BSN: variants seen among roughly 807,000 people sequenced by gnomAD.
BSN encodes protein bassoon.
In BSN, 57 loss-of-function variants were observed where a neutral mutation model predicts 264.8. The ratio of observed to expected loss-of-function variants is 0.22; its 90% CI spans 0.17 to 0.27. The LOEUF is 0.27. Among genes scored for constraint, BSN ranks in the 10% least tolerant of loss-of-function variants. The pLI is 1.00. For synonymous variants in BSN, 2,059 were observed against 2,137.3 expected (o/e 0.96, Z 1.01); for missense variants, 4,615 against 5,232.5 (o/e 0.88, Z 3.64).
chr3:49,580,681 G>T (rs2051889692), intron 1 of BSN, among the ~76,000 whole-genome samples: 1 of 152,070 alleles, frequency 6.6e-6, no homozygotes, highest in African/African-American at 2.4e-5. Context: ...CTGGTCTCGA[G>T]CTACTGTACT....
At chr3:49,617,602 C>T (rs370133921) in intron 1 of BSN, among the ~76,000 whole-genome samples, 1 of 152,288 alleles carries the variant, frequency 6.6e-6, no homozygotes, top group East Asian at 1.9e-4. Flanking sequence ...ACACCTCCCT[C>T]TCTTTTTCCT....
In BSN at chr3:49,657,814, G is replaced by A. The variant is rs2052622996; in HGVS notation, c.8258G>A (p.Gly2753Glu). 6.3e-7 allele frequency: 1 copy of A among 1,595,406 alleles called. No homozygotes were observed. The highest frequency in any genetic ancestry group is 1.7e-5 in the Admixed American group (1 of 57,602). ...CCTGGCATCCAGATCGTCACCCCAG[G>A]GCCTCTGGGCAGATTTGAAAAAAAG... ...YLPGIQIVTP[G>E]PLGRFEKKKP... The change falls in exon 5 of 12, where the codon GGG (glycine) becomes GAG (glutamate). Residue 2753 changes from glycine to glutamate, a missense_variant. By Grantham distance (98) the Gly-to-Glu change is moderately conservative. Coordinates refer to ENST00000296452, the MANE Select transcript of BSN (RefSeq NM_003458.4).
intron 1 of BSN, among the ~76,000 whole-genome samples, chr3:49,564,150 C>G (rs1444344043): frequency 2.0e-5 from 3 of 152,166 alleles, no homozygotes; most frequent in African/African-American, 2.4e-5. Context: ...TACAGAGAGG[C>G]CTTAGAGAAC....
rs2108090546 is a variant in BSN at position 49,657,847 on chromosome 3, A to G, written c.8291A>G (p.Asp2764Gly). 1.2e-6 allele frequency: 2 copies of G among 1,611,440 alleles called. No homozygotes were observed. Among genetic ancestry groups the G allele is most frequent in the Middle Eastern group, 1.7e-4 (1 of 6,040 alleles). Residue 2764 changes from aspartate to glycine, a missense_variant, in exon 5 of 12, where the codon GAT becomes GGT. Around this residue, in one of 3 missense-constraint regions of BSN, gnomAD observed 3,415 missense variants for 3,866.4 expected, o/e 0.88. Coordinates refer to ENST00000296452, the MANE Select transcript of BSN (RefSeq NM_003458.4). ...PLGRFEKKKP[D>G]PLEIGYQAHL... The stretch of plus-strand genomic sequence containing the variant: ...GGCAGATTTGAAAAAAAGAAGCCAG[A>G]TCCCCTGGAGATTGGGTACCAGGCC...
At chr3:49,611,004 G>A (rs1458337853) in intron 1 of BSN, among the ~76,000 whole-genome samples, 1 of 152,226 alleles carries the variant, frequency 6.6e-6, no homozygotes, top group African/African-American at 2.4e-5. Flanking sequence ...GGCTAAAGAT[G>A]TGTCCAGGCA....
Position 49,661,100 on chromosome 3 carries a change from C to T in BSN, c.9255C>T (p.Gly3085=), listed in dbSNP as rs771593687. 13 of 1,611,338 alleles carry T rather than the reference C, an allele frequency of 8.1e-6. No homozygotes were observed. In the East Asian group the frequency reaches 2.9e-4, roughly 36 times the overall value. Residue 3085 remains glycine, a synonymous_variant, in exon 6 of 12, where the codon GGC becomes GGT. Coordinates refer to ENST00000296452, the MANE Select transcript of BSN (RefSeq NM_003458.4). ...FPAHQAPTYP[G]PSTYPAPAFP... ...CCCACCAGGCCCCCACCTACCCTGG[C>T]CCCAGCACGTACCCAGCTCCTGCCT...
intron 1 of BSN, among the ~76,000 whole-genome samples, chr3:49,621,726 A>G (rs1015151554): frequency 6.6e-6 from 1 of 151,776 alleles, no homozygotes; most frequent in African/African-American, 2.4e-5. Flanking sequence ...TTCTTTTATT[A>G]TTTATTTTAG....
chr3:49,648,632 G>C (rs954736195), intron 3 of BSN, among the ~76,000 whole-genome samples: 1 of 152,192 alleles, frequency 6.6e-6, no homozygotes, highest in Non-Finnish European at 1.5e-5. Context: ...TCTGGGGCTC[G>C]GTCTCAACCT....
Position 49,662,320 on chromosome 3 carries a change from G to A in BSN, c.10475G>A (p.Arg3492Gln), listed in dbSNP as rs372639466. 31 of 1,613,520 alleles carry A rather than the reference G, an allele frequency of 1.9e-5. No individual in the cohort carries two copies. Among genetic ancestry groups the A allele is most frequent in the East Asian group, 6.7e-5 (3 of 44,862 alleles). The change falls in exon 6 of 12, where the codon CGG becomes CAG. Residue 3492 changes from arginine (R) to glutamine (Q), a missense_variant. Transcript: ENST00000296452. ...KPSSLSMAHS[R>Q]VRPPMRSQAS... ...TCATCCCTAAGTATGGCCCACAGCCGGGTACGACCCCCCATGCGGAGCCAG... is the reference window on the plus strand; with the variant it reads ...TCATCCCTAAGTATGGCCCACAGCCAGGTACGACCCCCCATGCGGAGCCAG...
At chr3:49,643,846 C>T (rs573844586) in intron 3 of BSN, among the ~76,000 whole-genome samples, 47 of 152,204 alleles carry the variant, frequency 3.1e-4, no homozygotes, top group Admixed American at 7.9e-4. Context: ...TGGCCATTCT[C>T]TCCGCAGCCC....
chr3:49,626,530 A>G (rs1157240052), intron 2 of BSN, among the ~76,000 whole-genome samples: 1 of 152,094 alleles, frequency 6.6e-6, no homozygotes, highest in African/African-American at 2.4e-5. Flanking sequence ...GGGCTTCCTG[A>G]AGAGGCGTGC....
At chr3:49,613,409 A>AT (rs1201136668) in intron 1 of BSN, among the ~76,000 whole-genome samples, 1 of 150,848 alleles carries the variant, frequency 6.6e-6, no homozygotes, top group African/African-American at 2.4e-5. Flanking sequence ...GGGGCTAGCT[A>AT]TATCTCTGAA....
chr3:49,565,727 C>T (rs982407706), intron 1 of BSN, among the ~76,000 whole-genome samples: 8 of 152,218 alleles, frequency 5.3e-5, no homozygotes, highest in African/African-American at 1.9e-4. Context: ...GCATTTATCA[C>T]AACCAACAAA....
In BSN at chr3:49,657,160, C is replaced by T; in HGVS notation, c.7604C>T (p.Ala2535Val). 1 of 1,613,330 alleles carries T rather than the reference C, an allele frequency of 6.2e-7. No homozygotes were observed. The highest frequency in any genetic ancestry group is 8.5e-7 in the Non-Finnish European group (1 of 1,180,024). Residue 2535 changes from alanine to valine, a missense_variant, in exon 5 of 12, where the codon GCC becomes GTC. Ala to Val is a moderately conservative substitution (Grantham distance 64). Transcript: ENST00000296452. ...CTGCACCGGGGTCTCCCCAGCTCTG[C>T]CTCAGACATGTCACTGCAAACGGAG... ...PVLHRGLPSS[A>V]SDMSLQTEEQ... is the part of the protein sequence containing the mutation.
intron 2 of BSN, chr3:49,641,651 C>G (rs1284817989): frequency 3.3e-5 from 5 of 152,168 alleles, no homozygotes; most frequent in Admixed American, 3.3e-4. Flanking sequence ...TTATTTTGTT[C>G]TCAAGATTTT....
Position 49,662,103 on chromosome 3 carries a change from C to G in BSN, c.10258C>G (p.Gln3420Glu), listed in dbSNP as rs1272842738. The G allele has an allele frequency of 6.8e-6, 11 of 1,613,386 alleles. 1 individual carries two copies. The Admixed American group carries it at 1.7e-4, about 24-fold the overall frequency. ...GCTCAAGAAGAACGTGTATGAGCAG[C>G]AAAAATACTATGGGATGTCCAGCCG... ...YGLKKNVYEQ[Q>E]KYYGMSSRDA... is the part of the protein sequence containing the mutation. Residue 3420 changes from glutamine (Q) to glutamate (E), a missense_variant, in exon 6 of 12, where the codon CAA becomes GAA. Coordinates refer to ENST00000296452, the MANE Select transcript of BSN (RefSeq NM_003458.4).
chr3:49,642,720 C>T lies in BSN; in HGVS notation c.1086C>T (p.Ser362=). The T allele has an allele frequency of 6.2e-7, 1 of 1,613,510 alleles. No homozygotes were observed. The change falls in exon 3 of 12, where the codon AGC becomes AGT. Residue 362 remains serine (S), a synonymous_variant. Transcript: ENST00000296452. The surrounding 1 kb of genome is among the most constrained non-coding windows in gnomAD (Gnocchi z 7.0). ...GLGASLLTQA[S]TLMSVQPEAD... ...GCGCGTCACTGCTAACCCAGGCGAG[C>T]ACCCTCATGTCTGTGCAGCCCGAGG...
chr3:49,660,760 T>G lies in BSN; in HGVS notation c.8915T>G (p.Ile2972Ser). The G allele has an allele frequency of 6.2e-7, 1 of 1,613,196 alleles. No individual in the cohort carries two copies. Among genetic ancestry groups the G allele is most frequent in the Non-Finnish European group, 8.5e-7 (1 of 1,179,966 alleles). ...GAGCTGGATGAGGAGGAGAAGGAGA[T>G]TGACGCCAAGCTCAAGTACCTGGAG... ...QAELDEEEKE[I>S]DAKLKYLELG... Residue 2972 changes from isoleucine (I) to serine (S), a missense_variant, in exon 6 of 12, where the codon ATT (isoleucine) becomes AGT (serine). Coordinates refer to ENST00000296452, the MANE Select transcript of BSN (RefSeq NM_003458.4). This position sits in a 1 kb window ranked among gnomAD's most constrained non-coding sequence, Gnocchi z 7.1.
rs185272948 is a variant in BSN at position 49,663,146 on chromosome 3, G to T, written c.10988G>T (p.Gly3663Val). The T allele has an allele frequency of 8.8e-5, 142 of 1,612,538 alleles. No homozygotes were observed. In the East Asian group the frequency reaches 2.3e-3, roughly 26 times the overall value. Residue 3663 changes from glycine (G) to valine (V), a missense_variant, in exon 7 of 12, where the codon GGA becomes GTA. Coordinates refer to ENST00000296452, the MANE Select transcript of BSN (RefSeq NM_003458.4). The part of the protein sequence containing the change: ...HSGRHTGEEP[G>V]RRAAKPHARD... ...GGCCGCCACACTGGTGAGGAGCCGG[G>T]ACGGCGTGCTGCCAAACCACACGCT...
Sources: gnomAD v4.1 joint callset for allele counts (sites outside exome capture counted in the v4.1 genomes callset) on GRCh38, gnomAD v4.1.1 for gene constraint, gnomAD v4.1.1 regional missense constraint, Gnocchi (gnomAD v3.1) non-coding constraint, MANE v1.5 for transcripts, NCBI Gene and HGNC (gene_info 2026-07-23, HGNC 2026-07-21) for gene names.